Variants in ACVR1C observed in about 807,000 individuals in gnomAD.
ACVR1C encodes activin A receptor type 1C, also known as activin receptor type-1C.
A neutral mutation model predicts 57.9 loss-of-function variants in ACVR1C; 23 were observed. The observed-to-expected ratio is 0.40, with a 90% CI of 0.29 to 0.56. The LOEUF (loss-of-function observed/expected upper bound fraction) is 0.56, where lower values mean the gene tolerates loss of function less well. ACVR1C is among the 20% of genes least tolerant of loss of function. The pLI is 0.50. For missense variants in ACVR1C, 480 were observed against 607.9 expected (o/e 0.79, Z 2.21); for synonymous variants, 214 against 215.3 (o/e 0.99, Z 0.05).
intron 8 of ACVR1C, 134 bp from the exon 9 acceptor site, chr2:157,534,177 T>A: frequency 2.7e-6 from 2 of 742,032 alleles, no homozygotes; most frequent in Admixed American, 4.2e-5. Flanking sequence ...TCTTGCTATG[T>A]TCCCCAGGCT....
At chr2:157,576,003 T>C (rs1029052794) in intron 2 of ACVR1C, among the ~76,000 whole-genome samples, 1 of 152,108 alleles carries the variant, frequency 6.6e-6, no homozygotes, top group African/African-American at 2.4e-5. Flanking sequence ...TGTTTTATTC[T>C]TCTTTTGTTG....
rs972424602 is a variant in ACVR1C, at chr2:157,527,980, C to T, written c.*5938G>A. 7 of 152,120 alleles carry T rather than the reference C, an allele frequency of 4.6e-5. No individual in the cohort carries two copies. Among genetic ancestry groups the T allele is most frequent in the Admixed American group, 3.3e-4 (5 of 15,244 alleles). The allele number at this position is 152,120 out of a possible 1,614,324, so 9.4% of individuals were successfully genotyped here. On this transcript the variant is annotated 3_prime_UTR_variant, in exon 9 of 9. Coordinates refer to ENST00000243349, the MANE Select transcript of ACVR1C (RefSeq NM_145259.3). ...AACCAACATGATAAACAATCAATTTCTCTTCTCTCAGGAATGCCAGGATGA... is the reference window on the plus strand; with the variant it reads ...AACCAACATGATAAACAATCAATTTTTCTTCTCTCAGGAATGCCAGGATGA...
At chr2:157,607,525 A>T (rs555245088) in intron 1 of ACVR1C, among the ~76,000 whole-genome samples, 1 of 151,808 alleles carries the variant, frequency 6.6e-6, no homozygotes, top group African/African-American at 2.4e-5. Flanking sequence ...ATTTTGATAG[A>T]AATTGCATTG....
chr2:157,622,184 A>C (rs1157328266), intron 1 of ACVR1C, among the ~76,000 whole-genome samples: 2 of 152,214 alleles, frequency 1.3e-5, no homozygotes, highest in Non-Finnish European at 1.5e-5. Context: ...TATAAGACTT[A>C]GAAGACCAAA....
chr2:157,566,247 C>T (rs371506056), intron 2 of ACVR1C, among the ~76,000 whole-genome samples: 1 of 152,170 alleles, frequency 6.6e-6, no homozygotes, highest in South Asian at 2.1e-4. Context: ...TCTCTGTTTC[C>T]CCAGCACATA....
intron 1 of ACVR1C, among the ~76,000 whole-genome samples, chr2:157,594,380 T>A (rs1339087264): frequency 6.6e-6 from 1 of 151,544 alleles, no homozygotes. Context: ...ATTCTCAATA[T>A]AAGTGACTTA....
intron 4 of ACVR1C, among the ~76,000 whole-genome samples, chr2:157,546,711 TA>T (rs968831018): frequency 6.6e-6 from 1 of 150,754 alleles, no homozygotes; most frequent in Non-Finnish European, 1.5e-5. Context: ...AACAATTTCG[TA>T]AAAAAAAAGA....
At chr2:157,564,459 A>T (rs1302889070) in intron 2 of ACVR1C, among the ~76,000 whole-genome samples, 6 of 152,170 alleles carry the variant, frequency 3.9e-5, no homozygotes, top group Non-Finnish European at 7.4e-5. Context: ...GAAACAATAG[A>T]TGCTGGCGAG....
chr2:157,577,389 A>G (rs923424754), intron 2 of ACVR1C, among the ~76,000 whole-genome samples: 3 of 152,128 alleles, frequency 2.0e-5, no homozygotes, highest in African/African-American at 7.2e-5. Flanking sequence ...GGACTTCTCT[A>G]TTTATCCTTA....
intron 1 of ACVR1C, among the ~76,000 whole-genome samples, chr2:157,588,847 C>CTATATATATATA (rs1688989221): frequency 1.4e-4 from 4 of 27,930 alleles, no homozygotes; most frequent in Non-Finnish European, 2.3e-4. Flanking sequence ...CACAAACACA[C>CTATATATATATA]CATATATATA....
intron 1 of ACVR1C, among the ~76,000 whole-genome samples, 157 bp from the exon 2 acceptor site, chr2:157,587,574 A>C (rs1688956385): frequency 1.3e-5 from 2 of 152,090 alleles, no homozygotes; most frequent in Non-Finnish European, 2.9e-5. Context: ...CTCCCTCTCC[A>C]TCATATATTT....
intron 1 of ACVR1C, chr2:157,597,372 G>C: frequency 1.0e-6 from 1 of 985,554 alleles, no homozygotes; most frequent in Non-Finnish European, 1.2e-6. Flanking sequence ...GGACTTGCAG[G>C]TTGGAGCTCG....
intron 3 of ACVR1C, among the ~76,000 whole-genome samples, chr2:157,553,437 A>G (rs956368316): frequency 6.6e-6 from 1 of 152,146 alleles, no homozygotes; most frequent in Non-Finnish European, 1.5e-5. Context: ...ATAATCTGAA[A>G]ACGAGAGAGT....
At chr2:157,585,806 A>G (rs1157711588) in intron 2 of ACVR1C, among the ~76,000 whole-genome samples, 1 of 152,188 alleles carries the variant, frequency 6.6e-6, no homozygotes, top group Non-Finnish European at 1.5e-5. Context: ...GGCATCTGAG[A>G]TAGAGAGAAT....
At chr2:157,544,192 C>T (rs374081791) in intron 5 of ACVR1C, among the ~76,000 whole-genome samples, 2 of 149,856 alleles carry the variant, frequency 1.3e-5, no homozygotes, top group Non-Finnish European at 3.0e-5. Flanking sequence ...GCATGTGCCA[C>T]CACAACCAGA....
intron 1 of ACVR1C, among the ~76,000 whole-genome samples, chr2:157,615,468 G>A (rs1016294919): frequency 7.9e-5 from 12 of 151,936 alleles, no homozygotes; most frequent in African/African-American, 1.7e-4. Context: ...TTGACCTCCC[G>A]AGCTCAAGCA....
At chr2:157,560,445 A>C (rs1240417012) in intron 2 of ACVR1C, among the ~76,000 whole-genome samples, 12 of 152,178 alleles carry the variant, frequency 7.9e-5, no homozygotes. Flanking sequence ...TTAAAACGGA[A>C]CCAAGTGGCC....
Position 157,578,042 on chromosome 2 carries a change from G to A in ACVR1C, c.304+9145C>T, listed in dbSNP as rs148046385. 6.7e-3 allele frequency among the ~76,000 whole-genome samples: 1,019 copies of A among 152,010 alleles called. 10 individuals are homozygous for A. Among genetic ancestry groups the A allele is most frequent in the African/African-American group, 0.016 (649 of 41,494 alleles). On this transcript the variant is annotated intron_variant, in intron 2 of 8. Transcript: ENST00000243349. ...CTCAGCTTCCCAAGTAGCTGGGATC[G>A]CAGGCACATGCCACCGTGCCTGACT...
chr2:157,563,174 C>A (rs1221143158), intron 2 of ACVR1C, among the ~76,000 whole-genome samples: 2 of 152,126 alleles, frequency 1.3e-5, no homozygotes, highest in African/African-American at 4.8e-5. Context: ...GAGAGGAAGT[C>A]AAATTGTCTG....
Sources: allele counts gnomAD v4.1 joint callset (sites outside exome capture counted in the v4.1 genomes callset), GRCh38; gene constraint gnomAD v4.1.1; transcripts MANE v1.5; gene names NCBI Gene and HGNC (gene_info 2026-07-23, HGNC 2026-07-21).